Variants in HOXC4 observed in about 807,000 individuals in gnomAD.
HOXC4 encodes homeobox C4, also known as homeobox protein Hox-C4.
A neutral mutation model predicts 25.5 loss-of-function variants in HOXC4; 15 were observed. That is an observed-to-expected ratio of 0.59 (90% CI 0.39 to 0.91). HOXC4 has a LOEUF of 0.91. Ranked by LOEUF, HOXC4 falls within the 40% of genes least tolerant of loss-of-function variation. The pLI is 0.00. For synonymous variants in HOXC4, 165 were observed against 148.0 expected, an observed-to-expected ratio of 1.11 and a Z score of -0.83; for missense variants, 342 against 352.4, an observed-to-expected ratio of 0.97 and a Z score of 0.24.
At chr12:54,037,492 G>A (rs985857762) in intron 1 of HOXC4, among the ~76,000 whole-genome samples, 1 of 152,120 alleles carries the variant, frequency 6.6e-6, no homozygotes, top group Non-Finnish European at 1.5e-5. Flanking sequence ...GGGGGGACAC[G>A]GCCCACTCTG....
At chr12:54,026,504 C>T (rs1940704360) in intron 1 of HOXC4, among the ~76,000 whole-genome samples, 1 of 152,182 alleles carries the variant, frequency 6.6e-6, no homozygotes, top group Admixed American at 6.5e-5. Context: ...ACCCTTTCCC[C>T]TTCATTTCCT....
chr12:54,024,168 C>A (rs1157334165), intron 1 of HOXC4, among the ~76,000 whole-genome samples: 1 of 152,206 alleles, frequency 6.6e-6, no homozygotes, highest in Non-Finnish European at 1.5e-5. Context: ...GGGATTTTAG[C>A]CCTCGCCCAG....
intron 1 of HOXC4, chr12:54,034,103 A>G: frequency 2.8e-6 from 2 of 725,448 alleles, no homozygotes; most frequent in Non-Finnish European, 5.1e-6. Flanking sequence ...GCCTGGGCGG[A>G]GGCGCCTCTC....
chr12:54,027,328 G>A (rs1940764509), intron 1 of HOXC4, among the ~76,000 whole-genome samples: 1 of 152,186 alleles, frequency 6.6e-6, no homozygotes, highest in South Asian at 2.1e-4. Context: ...GTCCAGGGGC[G>A]CCTCCACTGG....
intron 1 of HOXC4, among the ~76,000 whole-genome samples, chr12:54,043,799 C>T (rs1370392492): frequency 6.6e-6 from 1 of 152,136 alleles, no homozygotes; most frequent in African/African-American, 2.4e-5. Flanking sequence ...ATCCCCCTCT[C>T]CTTCTGTTCC....
At chr12:54,044,435 G>T (rs1333209924) in intron 1 of HOXC4, among the ~76,000 whole-genome samples, 2 of 152,014 alleles carry the variant, frequency 1.3e-5, no homozygotes, top group African/African-American at 2.4e-5. Flanking sequence ...CAGTCACAAA[G>T]GAACTAACAT....
chr12:54,039,129 G>C (rs1255677896), intron 1 of HOXC4, among the ~76,000 whole-genome samples: 4 of 152,110 alleles, frequency 2.6e-5, no homozygotes, highest in African/African-American at 9.7e-5. Flanking sequence ...AATGCCAGCG[G>C]ACCCATAGGT....
chr12:54,029,809 C>A (rs143618403), intron 1 of HOXC4: 9 of 1,613,958 alleles, frequency 5.6e-6, no homozygotes, highest in South Asian at 1.1e-5. Flanking sequence ...AGCGACAGAT[C>A]AAAATCTGGT....
chr12:54,050,861 G>A (rs1937827566), upstream of HOXC4, among the ~76,000 whole-genome samples: 1 of 152,110 alleles, frequency 6.6e-6, no homozygotes. Flanking sequence ...TGCATAAAGA[G>A]GCATTTAATA....
intron 1 of HOXC4, chr12:54,034,215 G>T: frequency 6.9e-7 from 1 of 1,455,872 alleles, no homozygotes. Context: ...GGCTGGGGTG[G>T]GGACGGGGGA....
intron 1 of HOXC4, among the ~76,000 whole-genome samples, chr12:54,036,972 G>T (rs940740215): frequency 1.3e-5 from 2 of 152,182 alleles, no homozygotes; most frequent in Non-Finnish European, 2.9e-5. Context: ...GCCAGGCAGG[G>T]CACACCAGCC....
chr12:54,023,432 T>C (rs190540502), intron 1 of HOXC4, among the ~76,000 whole-genome samples: 3 of 152,004 alleles, frequency 2.0e-5, no homozygotes, highest in Non-Finnish European at 4.4e-5. Context: ...GGAGAGGAAA[T>C]GTGACATGAG....
At chr12:54,030,180 T>A (rs1940929520) in intron 1 of HOXC4, 1 of 496,490 alleles carries the variant, frequency 2.0e-6, no homozygotes, top group Non-Finnish European at 3.6e-6. Context: ...CTCGCTCCCT[T>A]GCTAGCTCGT....
At chr12:54,032,874 C>T in intron 1 of HOXC4, 1 of 295,246 alleles carries the variant, frequency 3.4e-6, no homozygotes, top group Non-Finnish European at 6.3e-6. Flanking sequence ...GCCAACATAT[C>T]GAGATGCTTT....
chr12:54,028,246 CATATATATAT>C, intron 1 of HOXC4: 8 of 148,814 alleles, frequency 5.4e-5, no homozygotes, highest in Admixed American at 4.2e-4. Context: ...AGTTCCCTTA[CATATATATAT>C]ATATATATAT....
intron 1 of HOXC4, among the ~76,000 whole-genome samples, chr12:54,026,976 G>A (rs75018946): frequency 0.041 from 5,845 of 143,158 alleles, 156 homozygotes; most frequent in East Asian, 0.073. Flanking sequence ...GGGGGGGGGG[G>A]ATATGAGCTT....
Position 54,054,846 on chromosome 12 carries a change from C to T in HOXC4, c.440-4C>T, listed in dbSNP as rs762307042. 6 of 1,596,908 alleles carry T rather than the reference C, an allele frequency of 3.8e-6. No homozygotes were observed. Among genetic ancestry groups the T allele is most frequent in the Admixed American group, 3.4e-5 (2 of 59,336 alleles). On this transcript the variant is annotated splice_polypyrimidine_tract_variant and splice_region_variant and intron_variant, in intron 1 of 1. Transcript: ENST00000430889. ...CCCACTATTTGCTTTTCCCCTCCCC[C>T]CAGTGAACCCCAATTATAACGGAGG...
intron 1 of HOXC4, chr12:54,032,923 G>A: frequency 1.9e-6 from 1 of 529,140 alleles, no homozygotes; most frequent in South Asian, 2.8e-5. Context: ...AGGTCATCAA[G>A]CCAAATTTAT....
rs1484013222 is a variant in HOXC4, at chr12:54,034,558, G to T, written c.-124+17144G>T. Reference sequence around the variant, plus strand: ...TCCTGTCCCTGCGCCTTTCCTTTTCGCCTTTCCTCTCTATATTTCGGGTCG... The same window carrying T: ...TCCTGTCCCTGCGCCTTTCCTTTTCTCCTTTCCTCTCTATATTTCGGGTCG... On this transcript the variant is annotated intron_variant, in intron 1 of 3. Coordinates refer to the HOXC4 transcript ENST00000303406. The T allele has an allele frequency of 5.2e-6, 7 of 1,355,404 alleles. No homozygotes were observed. In the Admixed American group the frequency reaches 9.2e-5, roughly 18 times the overall value. The allele number at this position is 1,355,404 out of a possible 1,614,324, so 84.0% of individuals were successfully genotyped here.
Sources: gnomAD v4.1 joint callset for allele counts (sites outside exome capture counted in the v4.1 genomes callset) on GRCh38, gnomAD v4.1.1 for gene constraint, MANE v1.5 for transcripts, NCBI Gene and HGNC (gene_info 2026-07-23, HGNC 2026-07-21) for gene names.